SLITRK3: variants seen among roughly 807,000 people sequenced by gnomAD.
SLITRK3 encodes the protein SLIT and NTRK like family member 3, also known as SLIT and NTRK-like protein 3.
A neutral mutation model predicts 63.6 loss-of-function variants in SLITRK3; 16 were observed. That is an observed-to-expected ratio of 0.25 (90% CI 0.17 to 0.38). The LOEUF is 0.38. Ranked by LOEUF, SLITRK3 falls within the 10% of genes least tolerant of loss-of-function variation. The pLI is 1.00. For missense variants in SLITRK3, 1,117 were observed against 1,181.4 expected, an observed-to-expected ratio of 0.95 and a Z score of 0.80; for synonymous variants, 547 against 451.6, an observed-to-expected ratio of 1.21 and a Z score of -2.68.
At chr3:165,193,634 G>A (rs1245255288) in intron 1 of SLITRK3, among the ~76,000 whole-genome samples, 1 of 151,922 alleles carries the variant, frequency 6.6e-6, no homozygotes, top group East Asian at 1.9e-4. Flanking sequence ...CAAAGCCTTC[G>A]ATAGCCCCTG....
At position 165,189,590 on chromosome 3, in the gene SLITRK3, TAC is replaced by T. The variant is rs1718103589; in HGVS notation, c.1239_1240del (p.Tyr414SerfsTer3). ...TTTCTGAATCAGATTGCTACTCAGA[TAC>T]AGTTTCTTGGCATTCAAGGGCCTTG... On this transcript the variant is annotated frameshift_variant, in exon 2 of 2. Transcript: ENST00000475390. LOFTEE classifies it high-confidence loss of function. The surrounding 1 kb of genome is among the most constrained non-coding windows in gnomAD (Gnocchi z 4.0). 1 of 1,614,216 alleles carries T rather than the reference TAC, an allele frequency of 6.2e-7. No homozygotes were observed. The highest frequency in any genetic ancestry group is 8.5e-7 in the Non-Finnish European group (1 of 1,180,044).
chr3:165,194,344 G>A (rs1027201656), intron 1 of SLITRK3, among the ~76,000 whole-genome samples: 4 of 152,088 alleles, frequency 2.6e-5, no homozygotes, highest in Admixed American at 2.6e-4. Flanking sequence ...CTAACAATGT[G>A]TTCCTTAAAA....
rs1576970243 is a variant in SLITRK3, at chr3:165,190,441, T to C, written c.390A>G (p.Leu130=). Residue 130 remains leucine, a synonymous_variant, in exon 2 of 2, where the codon CTA becomes CTG. Coordinates refer to ENST00000475390, the MANE Select transcript of SLITRK3 (RefSeq NM_001318810.2). ...AFNGLKILKR[L]YLHENKLDVF... is the part of the protein sequence containing the mutation. ...CATCTAGTTTGTTTTCATGTAGATATAGTCTCTTTAAAATCTTAAGACCAT... is the reference window on the plus strand; with the variant it reads ...CATCTAGTTTGTTTTCATGTAGATACAGTCTCTTTAAAATCTTAAGACCAT... 1 of 1,613,872 alleles carries C rather than the reference T, an allele frequency of 6.2e-7. No individual in the cohort carries two copies. Among genetic ancestry groups the C allele is most frequent in the South Asian group, 1.1e-5 (1 of 91,078 alleles).
rs572378615 is a variant in SLITRK3, at chr3:165,195,019, C to T, written c.-22+561G>A. ...AAGCCCTTTCTCCCTGCTGTGCCCC[C>T]TTCCCACTTCCTCCTCCCCACTGCT... On this transcript the variant is annotated intron_variant, in intron 1 of 1. Coordinates refer to ENST00000475390, the MANE Select transcript of SLITRK3 (RefSeq NM_001318810.2). 6.6e-5 allele frequency among the ~76,000 whole-genome samples: 10 copies of T among 152,248 alleles called. No homozygotes were observed. In the South Asian group the frequency reaches 1.5e-3, roughly 22 times the overall value.
At chr3:165,192,339 G>C (rs561076901) in intron 1 of SLITRK3, among the ~76,000 whole-genome samples, 13 of 152,218 alleles carry the variant, frequency 8.5e-5, no homozygotes, top group African/African-American at 3.1e-4. Flanking sequence ...AAAAGAGGGA[G>C]AGAGAAAAGG....
rs761954924 is a variant in SLITRK3, at chr3:165,189,941, T to C, written c.890A>G (p.His297Arg). 3 of 1,614,134 alleles carry C rather than the reference T, an allele frequency of 1.9e-6. No homozygotes were observed. The highest frequency in any genetic ancestry group is 2.5e-6 in the Non-Finnish European group (3 of 1,180,018). ...TGCATTCTCCTTACTTGATGACGAATGTGGAATTCCCAAACTAGCCTCTAC... is the reference window on the plus strand; with the variant it reads ...TGCATTCTCCTTACTTGATGACGAACGTGGAATTCCCAAACTAGCCTCTAC... ...SEVEASLGIPHSSSSKENAWP... is the reference protein window; with the variant it reads ...SEVEASLGIPRSSSSKENAWP... Residue 297 changes from histidine (H) to arginine (R), a missense_variant, in exon 2 of 2, where the codon CAT becomes CGT. Physicochemically the swap from His to Arg is conservative, Grantham distance 29. Around this residue, in one of 4 missense-constraint regions of SLITRK3, gnomAD observed 452 missense variants for 495.3 expected, o/e 0.91. Coordinates refer to ENST00000475390, the MANE Select transcript of SLITRK3 (RefSeq NM_001318810.2). The surrounding 1 kb of genome is among the most constrained non-coding windows in gnomAD (Gnocchi z 4.0).
chr3:165,191,752 C>G (rs1204699345), intron 1 of SLITRK3, among the ~76,000 whole-genome samples: 2 of 152,150 alleles, frequency 1.3e-5, no homozygotes, highest in Non-Finnish European at 2.9e-5. Context: ...TCAAGATCAA[C>G]TGAGGAACCC....
rs762394944 is a variant in SLITRK3, at chr3:165,190,729, T to C, written c.102A>G (p.Ile34Met). The C allele has an allele frequency of 2.5e-6, 4 of 1,614,002 alleles. No individual in the cohort carries two copies. Among genetic ancestry groups the C allele is most frequent in the Non-Finnish European group, 3.4e-6 (4 of 1,179,998 alleles). Residue 34 changes from isoleucine to methionine, a missense_variant, in exon 2 of 2, where the codon ATA becomes ATG. Around this residue, in one of 4 missense-constraint regions of SLITRK3, gnomAD observed 452 missense variants for 495.3 expected, o/e 0.91. Coordinates refer to ENST00000475390, the MANE Select transcript of SLITRK3 (RefSeq NM_001318810.2). ...ALGWTTPIPL[I>M]EDSEEIDEPC... ...GCTCATCTATTTCCTCTGAGTCCTC[T>C]ATTAGGGGAATCGGGGTAGTCCATC...
chr3:165,188,545 C>T lies in SLITRK3; in HGVS notation c.2286G>A (p.Glu762=), dbSNP rs777610725. The change falls in exon 2 of 2, where the codon GAG becomes GAA. Residue 762 remains glutamate (E), a synonymous_variant. Coordinates refer to ENST00000475390, the MANE Select transcript of SLITRK3 (RefSeq NM_001318810.2). ...NNPIYKPREE[E]EVAVSSAQEA... is the part of the protein sequence containing the mutation. ...CTTGGGCTGATGAAACAGCCACCTCCTCCTCCTCACGAGGCTTGTAGATGG... is the reference window on the plus strand; with the variant it reads ...CTTGGGCTGATGAAACAGCCACCTCTTCCTCCTCACGAGGCTTGTAGATGG... The T allele has an allele frequency of 3.7e-6, 6 of 1,613,992 alleles. No homozygotes were observed. In the South Asian group the frequency reaches 4.4e-5, roughly 12 times the overall value.
chr3:165,191,358 G>A (rs1718219493), intron 1 of SLITRK3, among the ~76,000 whole-genome samples: 1 of 152,182 alleles, frequency 6.6e-6, no homozygotes, highest in African/African-American at 2.4e-5. Context: ...TTATTATATT[G>A]ATTAGTGTGA....
At chr3:165,196,823 C>G (rs551137562), upstream of SLITRK3, 1 of 151,762 alleles carries the variant, frequency 6.6e-6, no homozygotes, top group East Asian at 2.0e-4. Flanking sequence ...GCAGTCCTCT[C>G]GCCGCGCATC....
chr3:165,191,751 A>C (rs1268155931), intron 1 of SLITRK3, among the ~76,000 whole-genome samples: 3 of 152,236 alleles, frequency 2.0e-5, no homozygotes, highest in Non-Finnish European at 4.4e-5. Context: ...TTCAAGATCA[A>C]CTGAGGAACC....
rs892621310 is a variant in SLITRK3, at chr3:165,189,577, A to G, written c.1254T>C (p.Asn418=). 1.2e-6 allele frequency: 2 copies of G among 1,614,040 alleles called. No individual in the cohort carries two copies. The highest frequency in any genetic ancestry group is 2.7e-5 in the African/African-American group (2 of 74,910). The change falls in exon 2 of 2, where the codon AAT becomes AAC. Residue 418 remains asparagine (N), a synonymous_variant. Transcript: ENST00000475390. The surrounding 1 kb of genome is among the most constrained non-coding windows in gnomAD (Gnocchi z 4.0). ...CAGAACGGTATATTTTCTGAATCAG[A>G]TTGCTACTCAGATACAGTTTCTTGG... is the stretch of plus-strand genomic sequence containing the variant. ...LNAKKLYLSS[N]LIQKIYRSDF...
chr3:165,188,890 A>C lies in SLITRK3; in HGVS notation c.1941T>G (p.Pro647=). The C allele has an allele frequency of 6.2e-7, 1 of 1,614,142 alleles. No homozygotes were observed. Among genetic ancestry groups the C allele is most frequent in the Non-Finnish European group, 8.5e-7 (1 of 1,180,010 alleles). Reference sequence around the variant, plus strand: ...ACACAGAAAGTGGCACAGGGCCCCCAGGAGGAGAAAACTCATAAGGTGATG... The same window carrying C: ...ACACAGAAAGTGGCACAGGGCCCCCCGGAGGAGAAAACTCATAAGGTGATG... The part of the protein sequence containing the change: ...TSASPYEFSP[P]GGPVPLSVLI... Residue 647 remains proline (P), a synonymous_variant, in exon 2 of 2, where the codon CCT becomes CCG. Coordinates refer to ENST00000475390, the MANE Select transcript of SLITRK3 (RefSeq NM_001318810.2).
rs747291454 is a variant in SLITRK3 at position 165,189,263 on chromosome 3, G to A, written c.1568C>T (p.Ala523Val). ...CCGGGCCAGGGATGTGCCAGCAAAG[G>A]CGTCTGTTGGCAGAGTCCTCAGTAA... Reference protein sequence around the residue: ...NNLLRTLPTDAFAGTSLARLN... With the variant: ...NNLLRTLPTDVFAGTSLARLN... Residue 523 changes from alanine to valine, a missense_variant, in exon 2 of 2, where the codon GCC becomes GTC. Transcript: ENST00000475390. This position sits in a 1 kb window ranked among gnomAD's most constrained non-coding sequence, Gnocchi z 4.0. The A allele has an allele frequency of 3.7e-6, 6 of 1,614,192 alleles. No homozygotes were observed. The highest frequency in any genetic ancestry group is 5.1e-6 in the Non-Finnish European group (6 of 1,180,034).
At chr3:165,195,202 A>G (rs1265190951) in intron 1 of SLITRK3, among the ~76,000 whole-genome samples, 1 of 152,218 alleles carries the variant, frequency 6.6e-6, no homozygotes, top group Non-Finnish European at 1.5e-5. Context: ...TGCTGTCGTC[A>G]GGCGAAACGC....
At chr3:165,190,966 G>GTTT in intron 1 of SLITRK3, 115 bp from the exon 2 acceptor site, 2 of 694,794 alleles carry the variant, frequency 2.9e-6, no homozygotes, top group Non-Finnish European at 4.7e-6. Context: ...AATTGTTGAA[G>GTTT]TGACACTCAA....
rs1386844065 is a variant in SLITRK3 at position 165,188,884 on chromosome 3, G to T, written c.1947C>A (p.Gly649=). The T allele has an allele frequency of 1.2e-6, 2 of 1,614,046 alleles. No homozygotes were observed. The highest frequency in any genetic ancestry group is 1.7e-6 in the Non-Finnish European group (2 of 1,179,990). Residue 649 remains glycine (G), a synonymous_variant, in exon 2 of 2, where the codon GGC becomes GGA. Transcript: ENST00000475390. ...GAATTAACACAGAAAGTGGCACAGG[G>T]CCCCCAGGAGGAGAAAACTCATAAG... ...ASPYEFSPPG[G]PVPLSVLILS...
At chr3:165,191,321 A>AT (rs1718218640) in intron 1 of SLITRK3, among the ~76,000 whole-genome samples, 1 of 152,256 alleles carries the variant, frequency 6.6e-6, no homozygotes, top group African/African-American at 2.4e-5. Context: ...GGTTTTGATG[A>AT]TTAAAAAGAC....
Sources: gnomAD v4.1 joint callset for allele counts (sites outside exome capture counted in the v4.1 genomes callset) on GRCh38, gnomAD v4.1.1 for gene constraint, gnomAD v4.1.1 regional missense constraint, Gnocchi (gnomAD v3.1) non-coding constraint, MANE v1.5 for transcripts, NCBI Gene and HGNC (gene_info 2026-07-23, HGNC 2026-07-21) for gene names.